Variants in AFF3 observed in about 807,000 individuals in gnomAD.
The protein encoded by AFF3 is ALF transcription elongation factor 3, also known as AF4/FMR2 family member 3.
Under a neutral mutation model 129.7 loss-of-function variants are expected in AFF3, and 32 were observed. That is an observed-to-expected ratio of 0.25 (90% CI 0.19 to 0.33). The LOEUF is 0.33. AFF3 is among the 10% of genes least tolerant of loss of function. The probability of loss-of-function intolerance (pLI) is 1.00; values close to 1 mark genes in which losing one functional copy is unlikely to be tolerated. For synonymous variants in AFF3, 644 were observed against 635.4 expected, an observed-to-expected ratio of 1.01 and a Z score of -0.20; for missense variants, 1,373 against 1,592.0, an observed-to-expected ratio of 0.86 and a Z score of 2.34.
chr2:99,907,720 C>T (rs1694814932), intron 7 of AFF3, among the ~76,000 whole-genome samples: 1 of 152,062 alleles, frequency 6.6e-6, no homozygotes, highest in Non-Finnish European at 1.5e-5. Context: ...CTTACTGCAA[C>T]CTCCGCCTCC....
chr2:100,007,072 G>A (rs1682040287), intron 6 of AFF3, 55 bp from the exon 7 acceptor site: 1 of 1,588,152 alleles, frequency 6.3e-7, no homozygotes, highest in African/African-American at 1.4e-5. Context: ...CGACACATAG[G>A]GATTTTCTTT....
rs767392415 is a variant in AFF3, at chr2:99,582,839, T to C, written c.2752A>G (p.Lys918Glu). Residue 918 changes from lysine to glutamate, a missense_variant, in exon 17 of 25, where the codon AAG (lysine) becomes GAG (glutamate). This residue lies in a region of AFF3 where 466 missense variants were observed against 505.0 expected (regional missense o/e 0.92). Coordinates refer to ENST00000672756, the MANE Select transcript of AFF3 (RefSeq NM_001386135.1). ...TGAGGCTGCAGCTGGCTGTCGGCCT[T>C]AGGCTTTTTGCTGGAAGAGGCTGAA... ...FTSASSSKKP[K>E]ADSQLQPHGG... The C allele has an allele frequency of 1.2e-6, 2 of 1,614,220 alleles. No homozygotes were observed. Among genetic ancestry groups the C allele is most frequent in the Admixed American group, 3.3e-5 (2 of 60,032 alleles).
At chr2:100,107,253 G>A in intron 2 of AFF3, 1 of 985,370 alleles carries the variant, frequency 1.0e-6, no homozygotes, top group Non-Finnish European at 1.2e-6. Context: ...CAAGTAAAAT[G>A]TAGAACAGTT....
At chr2:100,136,257 G>A (rs1479675905) in intron 1 of AFF3, among the ~76,000 whole-genome samples, 1 of 152,178 alleles carries the variant, frequency 6.6e-6, no homozygotes, top group East Asian at 1.9e-4. Context: ...GATCATCTGG[G>A]AGCGAATGCA....
chr2:100,104,792 T>TGCTGCAGCTGCA, intron 3 of AFF3: 2 of 740,594 alleles, frequency 2.7e-6, no homozygotes, highest in Non-Finnish European at 3.1e-6. Flanking sequence ...CCCGGCCCGC[T>TGCTGCAGCTGCA]GCTGCAGCCG....
chr2:100,067,155 A>C (rs1457348778), intron 4 of AFF3, among the ~76,000 whole-genome samples: 1 of 150,994 alleles, frequency 6.6e-6, no homozygotes, highest in African/African-American at 2.5e-5. Flanking sequence ...GCACACTTTA[A>C]GATCTGTTCA....
At chr2:100,024,564 T>C (rs1447334793) in intron 4 of AFF3, among the ~76,000 whole-genome samples, 5 of 150,812 alleles carry the variant, frequency 3.3e-5, no homozygotes, top group Admixed American at 3.3e-4. Flanking sequence ...GCCAAGATCA[T>C]GCCACTGCAC....
rs200485697 is a variant in AFF3 at position 99,690,155 on chromosome 2, TTTATTATTATTATTA to T, written c.1092-17581_1092-17567del. Among the ~76,000 whole-genome samples the T allele has an allele frequency of 2.7e-3, 335 of 123,016 alleles. 4 individuals carry two copies. In the South Asian group the frequency reaches 0.029, roughly 11 times the overall value. The allele number at this position is 123,016 out of a possible 152,430, so 80.7% of individuals were successfully genotyped here. ...ACCTAAATTTATAATAACCACAATC[TTTATTATTATTATTA>T]TTATTATTATTATTATTATTATTAT... On this transcript the variant is annotated intron_variant, in intron 11 of 24. Coordinates refer to ENST00000672756, the MANE Select transcript of AFF3 (RefSeq NM_001386135.1).
intron 15 of AFF3, among the ~76,000 whole-genome samples, chr2:99,590,565 C>G (rs551243890): frequency 6.4e-4 from 97 of 152,292 alleles, no homozygotes; most frequent in Non-Finnish European, 1.1e-3. Context: ...AGTCAGGACA[C>G]TTTGGTGTGA....
intron 13 of AFF3, among the ~76,000 whole-genome samples, chr2:99,648,917 A>ACTCTCTCTCTCTCTCTCTCTCT (rs769906171): frequency 1.0e-3 from 49 of 46,926 alleles, no homozygotes; most frequent in Non-Finnish European, 1.4e-3. Flanking sequence ...ACACACACAC[A>ACTCTCTCTCTCTCTCTCTCTCT]CTCTCTCTCT....
At chr2:100,016,008 AGGT>A (rs1682996163) in intron 4 of AFF3, among the ~76,000 whole-genome samples, 1 of 144,390 alleles carries the variant, frequency 6.9e-6, no homozygotes, top group African/African-American at 2.6e-5. Context: ...GTGGCAGTGA[AGGT>A]GTTGTGGTAG....
chr2:99,631,060 G>C (rs1425105605), intron 13 of AFF3: 3 of 434,326 alleles, frequency 6.9e-6, no homozygotes, highest in African/African-American at 6.2e-5. Flanking sequence ...GAGGCAGGCA[G>C]AGCAGAACAC....
At chr2:99,640,112 G>A (rs1258197685) in intron 13 of AFF3, among the ~76,000 whole-genome samples, 1 of 152,182 alleles carries the variant, frequency 6.6e-6, no homozygotes, top group Non-Finnish European at 1.5e-5. Flanking sequence ...GGAGAAAACA[G>A]GCTCTAGTAA....
At chr2:99,768,672 G>A (rs1016620732) in intron 8 of AFF3, among the ~76,000 whole-genome samples, 1 of 152,054 alleles carries the variant, frequency 6.6e-6, no homozygotes, top group African/African-American at 2.4e-5. Flanking sequence ...TTTCTTATAC[G>A]ACAGGTCTGG....
intron 13 of AFF3, among the ~76,000 whole-genome samples, chr2:99,644,554 G>A (rs1684522567): frequency 6.6e-6 from 1 of 152,222 alleles, no homozygotes; most frequent in East Asian, 1.9e-4. Flanking sequence ...GTCACTCTGA[G>A]ACAGATGGAA....
chr2:100,110,926 C>T (rs1691491321), intron 2 of AFF3, among the ~76,000 whole-genome samples: 1 of 152,210 alleles, frequency 6.6e-6, no homozygotes, highest in Non-Finnish European at 1.5e-5. Context: ...CCGTTTATGT[C>T]AGTCAGGATT....
At chr2:100,087,964 C>T (rs1399531623) in intron 4 of AFF3, among the ~76,000 whole-genome samples, 1 of 150,772 alleles carries the variant, frequency 6.6e-6, no homozygotes, top group African/African-American at 2.4e-5. Flanking sequence ...TGACAAAAAT[C>T]ACACATCCTT....
chr2:100,093,915 T>C lies in AFF3; in HGVS notation c.53+10487A>G, dbSNP rs796983024. On this transcript the variant is annotated intron_variant, in intron 4 of 24. Coordinates refer to ENST00000672756, the MANE Select transcript of AFF3 (RefSeq NM_001386135.1). ...CAGGTGGCACACCATGGTAAAAACG[T>C]GAGACCATCTGATTATCCATCAAAA... is the stretch of plus-strand genomic sequence containing the variant. Among the ~76,000 whole-genome samples, 6 of 152,196 alleles carry C rather than the reference T, an allele frequency of 3.9e-5. No homozygotes were observed. In the South Asian group the frequency reaches 1.2e-3, roughly 32 times the overall value.
Position 99,593,911 on chromosome 2 carries a change from C to A in AFF3, c.1750G>T (p.Gly584Cys). The A allele has an allele frequency of 7.0e-7, 1 of 1,431,474 alleles. No homozygotes were observed. The highest frequency in any genetic ancestry group is 9.1e-7 in the Non-Finnish European group (1 of 1,097,402). The allele number at this position is 1,431,474 out of a possible 1,614,324, so 88.7% of individuals were successfully genotyped here. The stretch of plus-strand genomic sequence containing the variant: ...TCGGTGCGCCTGGTGGGCTTCTTGC[C>A]CGCGGACCTCCGGGCAGGCGCGGGC... ...NAPAPARRSA[G>C]KKPTRRTERT... The change falls in exon 15 of 25, where the codon GGC (glycine) becomes TGC (cysteine). Residue 584 changes from glycine to cysteine, a missense_variant. By Grantham distance (159) the Gly-to-Cys change is radical. Coordinates refer to ENST00000672756, the MANE Select transcript of AFF3 (RefSeq NM_001386135.1).
Sources: gnomAD v4.1 joint callset for allele counts (sites outside exome capture counted in the v4.1 genomes callset) on GRCh38, gnomAD v4.1.1 for gene constraint, gnomAD v4.1.1 regional missense constraint, MANE v1.5 for transcripts, NCBI Gene and HGNC (gene_info 2026-07-23, HGNC 2026-07-21) for gene names.